The following ZUP1 variants were observed in gnomAD, a reference collection of about 807,000 sequenced individuals.
ZUP1 encodes the protein zinc finger-containing ubiquitin peptidase 1.
Under a neutral mutation model 68.1 loss-of-function variants are expected in ZUP1, and 55 were observed. The ratio of observed to expected loss-of-function variants is 0.81; its 90% CI spans 0.65 to 1.01. The LOEUF is 1.01. Ranked by LOEUF, ZUP1 falls within the 50% of genes least tolerant of loss-of-function variation. The pLI is 0.00. For synonymous variants in ZUP1, 223 were observed against 221.5 expected, an observed-to-expected ratio of 1.01 and a Z score of -0.06; for missense variants, 684 against 674.9, an observed-to-expected ratio of 1.01 and a Z score of -0.15.
intron 2 of ZUP1, among the ~76,000 whole-genome samples, chr6:116,662,129 CAG>C (rs1776861474): frequency 6.6e-6 from 1 of 152,132 alleles, no homozygotes; most frequent in Non-Finnish European, 1.5e-5. Context: ...ATTAAGTACT[CAG>C]AAAATATTTC....
At chr6:116,654,505 A>G (rs958283075) in intron 5 of ZUP1, among the ~76,000 whole-genome samples, 5 of 152,024 alleles carry the variant, frequency 3.3e-5, no homozygotes, top group African/African-American at 1.2e-4. Context: ...ATAAAGGTAT[A>G]TATTTGTGAT....
At chr6:116,661,006 G>A (rs555764532) in intron 2 of ZUP1, among the ~76,000 whole-genome samples, 160 bp from the exon 3 acceptor site, 1 of 151,100 alleles carries the variant, frequency 6.6e-6, no homozygotes, top group East Asian at 2.0e-4. Flanking sequence ...AGCCTCCCAA[G>A]TAGATGGGGC....
intron 5 of ZUP1, among the ~76,000 whole-genome samples, chr6:116,655,576 A>T (rs946830200): frequency 5.3e-5 from 8 of 152,222 alleles, no homozygotes; most frequent in Non-Finnish European, 1.0e-4. Context: ...AATCTGGGTG[A>T]CAGTAACAAA....
At chr6:116,667,395 T>A (rs1026284399) in intron 1 of ZUP1, among the ~76,000 whole-genome samples, 188 bp from the exon 2 acceptor site, 24 of 151,878 alleles carry the variant, frequency 1.6e-4, no homozygotes, top group African/African-American at 3.6e-4. Flanking sequence ...TATTTTTTTT[T>A]AAAAAAAGGC....
chr6:116,637,326 A>G (rs1393660493), intron 9 of ZUP1, among the ~76,000 whole-genome samples: 1 of 152,178 alleles, frequency 6.6e-6, no homozygotes, highest in African/African-American at 2.4e-5. Context: ...TGTTGTGTGG[A>G]TTAAATTAGT....
chr6:116,647,303 G>A (rs1302285334), intron 8 of ZUP1, among the ~76,000 whole-genome samples, 156 bp downstream of exon 8: 4 of 152,068 alleles, frequency 2.6e-5, no homozygotes, highest in Admixed American at 1.3e-4. Flanking sequence ...AGGTTGCAGC[G>A]AGCCAAGATT....
intron 5 of ZUP1, among the ~76,000 whole-genome samples, chr6:116,654,018 T>C (rs1288086128): frequency 3.3e-5 from 5 of 152,118 alleles, no homozygotes; most frequent in Admixed American, 3.3e-4. Context: ...TGAAGACTCT[T>C]TAAATGATAG....
At chr6:116,640,241 G>C (rs571961592) in intron 9 of ZUP1, among the ~76,000 whole-genome samples, 12 of 152,136 alleles carry the variant, frequency 7.9e-5, no homozygotes, top group Admixed American at 7.9e-4. Context: ...CGGGGAGAAT[G>C]GAACCAAGTT....
intron 5 of ZUP1, among the ~76,000 whole-genome samples, chr6:116,654,515 T>G (rs1776606763): frequency 6.6e-6 from 1 of 152,006 alleles, no homozygotes; most frequent in Admixed American, 6.5e-5. Flanking sequence ...ATATTTGTGA[T>G]CTTAAAGATG....
intron 9 of ZUP1, among the ~76,000 whole-genome samples, chr6:116,638,800 G>A (rs927672525): frequency 1.2e-4 from 19 of 152,162 alleles, no homozygotes; most frequent in Admixed American, 2.6e-4. Flanking sequence ...CTGAGGTACC[G>A]GGTTCATCTC....
At position 116,643,628 on chromosome 6, in the gene ZUP1, T is replaced by C. The variant is rs541815986; in HGVS notation, c.1689+2086A>G. Among the ~76,000 whole-genome samples the C allele has an allele frequency of 4.6e-5, 7 of 152,316 alleles. No homozygotes were observed. In the East Asian group the frequency reaches 1.3e-3, roughly 29 times the overall value. On this transcript the variant is annotated intron_variant, in intron 9 of 9. Transcript: ENST00000368576. ...AATAAATGGTGCTGGGAAAACTGGCTGGCCATATGTAGAAAGCTGAAACTC... is the reference window on the plus strand; with the variant it reads ...AATAAATGGTGCTGGGAAAACTGGCCGGCCATATGTAGAAAGCTGAAACTC...
Position 116,652,694 on chromosome 6 carries a change from C to T in ZUP1, c.962-502G>A, listed in dbSNP as rs6917051. ...AATAAACATATCTCATACTCCAATACGCTAAATTTCAACCCTTTAGTAACA... is the reference window on the plus strand; with the variant it reads ...AATAAACATATCTCATACTCCAATATGCTAAATTTCAACCCTTTAGTAACA... On this transcript the variant is annotated intron_variant, in intron 5 of 9. Coordinates refer to ENST00000368576, the MANE Select transcript of ZUP1 (RefSeq NM_145062.3). 4.1e-3 allele frequency among the ~76,000 whole-genome samples: 621 copies of T among 152,180 alleles called. 3 individuals are homozygous for T. The highest frequency in any genetic ancestry group is 0.014 in the African/African-American group (574 of 41,534).
chr6:116,659,318 T>C (rs2882935), intron 3 of ZUP1, among the ~76,000 whole-genome samples: 97,676 of 151,856 alleles, frequency 0.64, 32,808 homozygotes, highest in African/African-American at 0.85. Flanking sequence ...TTAGTAGAGA[T>C]GGAGTTTCGC....
intron 3 of ZUP1, chr6:116,660,462 C>G: frequency 3.7e-6 from 1 of 271,008 alleles, no homozygotes; most frequent in South Asian, 8.4e-5. Context: ...GCTCAAGATG[C>G]ACTGAAAGAT....
rs765260513 is a variant in ZUP1 at position 116,667,122 on chromosome 6, T to A, written c.71A>T (p.His24Leu). Reference protein sequence around the residue: ...EPDMKAHLIVHMESEIICPFC... With the variant: ...EPDMKAHLIVLMESEIICPFC... ...TGGACATATAATTTCACTTTCCATGTGAACAATTAGGTGAGCTTTCATGTC... is the reference window on the plus strand; with the variant it reads ...TGGACATATAATTTCACTTTCCATGAGAACAATTAGGTGAGCTTTCATGTC... The change falls in exon 2 of 10, where the codon CAC (histidine) becomes CTC (leucine). Residue 24 changes from histidine to leucine, a missense_variant. Physicochemically the swap from His to Leu is moderately conservative, Grantham distance 99. Coordinates refer to ENST00000368576, the MANE Select transcript of ZUP1 (RefSeq NM_145062.3). The A allele has an allele frequency of 1.4e-5, 23 of 1,613,232 alleles. No homozygotes were observed. The highest frequency in any genetic ancestry group is 1.9e-5 in the Non-Finnish European group (22 of 1,179,658).
intron 9 of ZUP1, among the ~76,000 whole-genome samples, chr6:116,639,531 C>T (rs913277142): frequency 1.8e-4 from 28 of 152,248 alleles, no homozygotes; most frequent in East Asian, 7.7e-4. Flanking sequence ...TCGCGGTTCA[C>T]GAAAATCCGC....
At chr6:116,666,531 C>CA in intron 2 of ZUP1, 103 bp downstream of exon 2, 1 of 891,738 alleles carries the variant, frequency 1.1e-6, no homozygotes, top group East Asian at 2.7e-5. Context: ...AAATGGATTT[C>CA]AAAACACATC....
chr6:116,662,591 A>G (rs1583379530), intron 2 of ZUP1, among the ~76,000 whole-genome samples: 1 of 152,130 alleles, frequency 6.6e-6, no homozygotes, highest in Non-Finnish European at 1.5e-5. Context: ...TTCTCCCAAT[A>G]CCTACCACAA....
intron 7 of ZUP1, among the ~76,000 whole-genome samples, chr6:116,649,232 G>A (rs560911823): frequency 5.9e-5 from 9 of 152,058 alleles, no homozygotes; most frequent in Non-Finnish European, 1.2e-4. Context: ...TAAAAAGAAT[G>A]TGATACACTG....
Sources: allele counts gnomAD v4.1 joint callset (sites outside exome capture counted in the v4.1 genomes callset), GRCh38; gene constraint gnomAD v4.1.1; transcripts MANE v1.5; gene names NCBI Gene and HGNC (gene_info 2026-07-23, HGNC 2026-07-21).